Variants in NPHP1 observed in about 807,000 individuals in gnomAD.
The protein encoded by NPHP1 is nephrocystin 1.
In NPHP1, 70 loss-of-function variants were observed where a neutral mutation model predicts 90.4. The observed-to-expected ratio is 0.77, with a 90% CI of 0.64 to 0.95. The LOEUF (loss-of-function observed/expected upper bound fraction) is 0.95, where lower values mean the gene tolerates loss of function less well. NPHP1 is among the 40% of genes least tolerant of loss of function. The pLI, the probability that NPHP1 is intolerant of heterozygous loss-of-function variation, is 0.00. For missense variants in NPHP1, 764 were observed against 795.9 expected (o/e 0.96, Z 0.48); for synonymous variants, 256 against 271.7 (o/e 0.94, Z 0.57).
chr2:110,147,845 T>C (rs1402964149), intron 13 of NPHP1, 71 bp downstream of exon 13: 2 of 889,540 alleles, frequency 2.2e-6, no homozygotes, highest in Non-Finnish European at 1.9e-6. Context: ...GATTTCCTTG[T>C]CAATAGACAC....
chr2:110,125,591 C>T (rs765538062), intron 19 of NPHP1, 46 bp downstream of exon 19: 2 of 1,518,356 alleles, frequency 1.3e-6, no homozygotes, highest in East Asian at 4.5e-5. Flanking sequence ...CAAGCAAACA[C>T]CAGGTACTGC....
At chr2:110,168,165 T>C (rs1365875254) in intron 6 of NPHP1, among the ~76,000 whole-genome samples, 1 of 152,206 alleles carries the variant, frequency 6.6e-6, no homozygotes, top group Non-Finnish European at 1.5e-5. Context: ...AGTTATGTTT[T>C]ACAATAAACA....
At chr2:110,147,783 G>A (rs1681168767) in intron 13 of NPHP1, 133 bp downstream of exon 13, 2 of 653,330 alleles carry the variant, frequency 3.1e-6, no homozygotes, top group South Asian at 1.8e-5. Context: ...AGAATCACTG[G>A]CATTCTCATT....
At chr2:110,129,147 A>G in intron 18 of NPHP1, 39 bp downstream of exon 18, 2 of 1,505,258 alleles carry the variant, frequency 1.3e-6, no homozygotes, top group Admixed American at 1.7e-5. Flanking sequence ...AACTGCTTCC[A>G]TAAGCCAGCA....
intron 11 of NPHP1, among the ~76,000 whole-genome samples, chr2:110,152,440 A>G (rs570861839): frequency 3.2e-4 from 48 of 152,120 alleles, no homozygotes; most frequent in African/African-American, 1.1e-3. Flanking sequence ...TGGACCACAA[A>G]TAGAAGATAG....
At chr2:110,154,494 G>A (rs1559066695) in intron 11 of NPHP1, among the ~76,000 whole-genome samples, 1 of 152,126 alleles carries the variant, frequency 6.6e-6, no homozygotes, top group South Asian at 2.1e-4. Flanking sequence ...AAGAAGATAG[G>A]AAAATGTGGG....
intron 16 of NPHP1, among the ~76,000 whole-genome samples, chr2:110,135,884 C>A (rs1174312279): frequency 2.0e-5 from 3 of 152,088 alleles, no homozygotes; most frequent in African/African-American, 7.2e-5. Flanking sequence ...TGGAAGAGAA[C>A]AGGATGAATG....
chr2:110,186,110 C>T lies in NPHP1; in HGVS notation c.144-6426G>A, dbSNP rs112055343. On this transcript the variant is annotated intron_variant, in intron 2 of 19. Coordinates refer to ENST00000445609, the MANE Select transcript of NPHP1 (RefSeq NM_001128178.3). Reference sequence around the variant, plus strand: ...CCCGCCTCTCCCTGCTGATGGTAAGCGGACAGTGTCCACAGGTTGCAGGAC... The same window carrying T: ...CCCGCCTCTCCCTGCTGATGGTAAGTGGACAGTGTCCACAGGTTGCAGGAC... Among the ~76,000 whole-genome samples, 1,170 of 152,262 alleles carry T rather than the reference C, an allele frequency of 7.7e-3. 14 individuals carry two copies. The highest frequency in any genetic ancestry group is 0.012 in the Non-Finnish European group (802 of 68,016).
chr2:110,147,953 C>T lies in NPHP1; in HGVS notation c.1232G>A (p.Gly411Glu). The T allele has an allele frequency of 6.2e-7, 1 of 1,608,920 alleles. No homozygotes were observed. Among genetic ancestry groups the T allele is most frequent in the Non-Finnish European group, 8.5e-7 (1 of 1,175,326 alleles). The change falls in exon 13 of 20, where the codon GGA becomes GAA. Residue 411 changes from glycine (G) to glutamate (E), a missense_variant. By Grantham distance (98) the Gly-to-Glu change is moderately conservative (BLOSUM62 -2). Transcript: ENST00000445609. ...IRSNSASPDL[G>E]ILFELGISYI... is the part of the protein sequence containing the mutation. Reference sequence around the variant, plus strand: ...AGAAATTCCAAGTTCAAATAATATTCCAAGATCTGGAGATGCAGAATTAGA... The same window carrying T: ...AGAAATTCCAAGTTCAAATAATATTTCAAGATCTGGAGATGCAGAATTAGA...
chr2:110,193,671 CA>C (rs1259412817), intron 2 of NPHP1, among the ~76,000 whole-genome samples: 1 of 152,176 alleles, frequency 6.6e-6, no homozygotes, highest in African/African-American at 2.4e-5. Flanking sequence ...TAGACATCTA[CA>C]GAACTCTCCA....
intron 7 of NPHP1, 70 bp from the exon 8 acceptor site, chr2:110,164,800 A>C (rs116949501): frequency 7.7e-7 from 1 of 1,298,060 alleles, no homozygotes; most frequent in East Asian, 2.3e-5. Context: ...GAACTTCTTT[A>C]ATCACAGTTG....
At chr2:110,134,779 C>T (rs1680043659) in intron 16 of NPHP1, among the ~76,000 whole-genome samples, 1 of 151,974 alleles carries the variant, frequency 6.6e-6, no homozygotes, top group Non-Finnish European at 1.5e-5. Flanking sequence ...TAAAATTTGA[C>T]ACCCTTTCAT....
intron 16 of NPHP1, among the ~76,000 whole-genome samples, chr2:110,141,769 G>A (rs1429644989): frequency 4.6e-5 from 7 of 151,742 alleles, no homozygotes; most frequent in African/African-American, 1.2e-4. Context: ...TCAGGAGTTC[G>A]AGACCATCCT....
At chr2:110,147,625 G>A (rs1681157552) in intron 13 of NPHP1, among the ~76,000 whole-genome samples, 1 of 152,182 alleles carries the variant, frequency 6.6e-6, no homozygotes, top group Non-Finnish European at 1.5e-5. Flanking sequence ...GCGCTGGGAT[G>A]CCAGTGAGCA....
intron 16 of NPHP1, among the ~76,000 whole-genome samples, chr2:110,140,296 A>G (rs1171092315): frequency 1.3e-5 from 2 of 152,068 alleles, no homozygotes; most frequent in East Asian, 3.8e-4. Flanking sequence ...TGAGGAGTAT[A>G]TTTTCACACT....
At chr2:110,143,087 C>A (rs1295096769) in intron 16 of NPHP1, among the ~76,000 whole-genome samples, 2 of 152,132 alleles carry the variant, frequency 1.3e-5, no homozygotes, top group Admixed American at 1.3e-4. Context: ...GAGCTGACTA[C>A]AAAGGGGCAT....
At chr2:110,187,548 C>T (rs553511262) in intron 2 of NPHP1, among the ~76,000 whole-genome samples, 18 of 152,078 alleles carry the variant, frequency 1.2e-4, no homozygotes, top group Non-Finnish European at 2.5e-4. Context: ...AACCAAAACA[C>T]TCCCAGGACC....
intron 16 of NPHP1, among the ~76,000 whole-genome samples, chr2:110,133,695 TAATGA>T (rs1362303143): frequency 6.6e-6 from 1 of 152,038 alleles, no homozygotes; most frequent in African/African-American, 2.4e-5. Context: ...TTTTCAATCA[TAATGA>T]AATGAAACTA....
chr2:110,172,622 A>G (rs1421732965), intron 4 of NPHP1, among the ~76,000 whole-genome samples: 1 of 152,014 alleles, frequency 6.6e-6, no homozygotes, highest in African/African-American at 2.4e-5. Context: ...CTCTACAAAA[A>G]ATTTAAAAAA....
Sources: gnomAD v4.1 joint callset for allele counts (sites outside exome capture counted in the v4.1 genomes callset) on GRCh38, gnomAD v4.1.1 for gene constraint, MANE v1.5 for transcripts, NCBI Gene and HGNC (gene_info 2026-07-23, HGNC 2026-07-21) for gene names.